ZFP41: variants seen among roughly 807,000 people sequenced by gnomAD.
ZFP41 encodes ZFP41 zinc finger protein, also known as zinc finger protein 41 homolog.
ZFP41 carries 10 observed loss-of-function variants against 11.6 expected under a neutral mutation model. The observed-to-expected ratio is 0.86, with a 90% CI of 0.53 to 1.47. The LOEUF is 1.47. Ranked by LOEUF, ZFP41 falls within the 40% of genes most tolerant of loss-of-function variation. The pLI is 0.00. For synonymous variants in ZFP41, 123 were observed against 100.9 expected, an observed-to-expected ratio of 1.22 and a Z score of -1.31; for missense variants, 302 against 264.6, an observed-to-expected ratio of 1.14 and a Z score of -0.98.
At chr8:143,247,611 A>G (rs1380283484) in intron 1 of ZFP41, 1 of 152,210 alleles carries the variant, frequency 6.6e-6, no homozygotes, top group Non-Finnish European at 1.5e-5. Context: ...ATTACAAGTG[A>G]AGGGTCCTCC....
intron 1 of ZFP41, chr8:143,248,155 G>A (rs932950149): frequency 6.6e-6 from 1 of 152,144 alleles, no homozygotes; most frequent in Non-Finnish European, 1.5e-5. Context: ...TATTTCTCAG[G>A]GTGGGCAGCG....
Position 143,261,936 on chromosome 8 carries a change from CG to C in ZFP41, c.*3064del, listed in dbSNP as rs1419097217. ...CGGCAGCACCTGCCACGCCCGTCTC[CG>C]GCAGCACCTGCCACGCCCGTCTCCG... On this transcript the variant is annotated 3_prime_UTR_variant, in exon 3 of 3. Transcript: ENST00000330701. The C allele has an allele frequency of 3.4e-3, 613 of 180,814 alleles. 39 individuals are homozygous for C. Among genetic ancestry groups the C allele is most frequent in the East Asian group, 0.013 (62 of 4,732 alleles). 11.2% of individuals were successfully genotyped at this position (180,814 alleles called of 1,614,324 possible).
chr8:143,250,090 AG>A lies in ZFP41; in HGVS notation c.249del (p.Lys84ArgfsTer76). On this transcript the variant is annotated frameshift_variant, in exon 2 of 3. Transcript: ENST00000330701. LOFTEE classifies it high-confidence loss of function. ...EGVPVFIPFQ[R>X]KKPYECSECG... ...GGTTCCCGTGTTCATTCCTTTTCAG[AG>A]GAAGAAACCCTATGAGTGCAGTGAG... 3 of 1,614,124 alleles carry A rather than the reference AG, an allele frequency of 1.9e-6. No homozygotes were observed. The highest frequency in any genetic ancestry group is 2.5e-6 in the Non-Finnish European group (3 of 1,180,024).
intron 2 of ZFP41, among the ~76,000 whole-genome samples, chr8:143,256,600 A>G (rs187581002): frequency 5.9e-4 from 90 of 152,344 alleles, no homozygotes; most frequent in African/African-American, 2.1e-3. Context: ...TTTTGGGGCC[A>G]GATGTGGTGA....
intron 2 of ZFP41, among the ~76,000 whole-genome samples, chr8:143,258,429 G>A (rs1262621732): frequency 6.6e-6 from 1 of 152,208 alleles, no homozygotes; most frequent in African/African-American, 2.4e-5. Context: ...CACACCAAGA[G>A]AAGGAGCCAT....
intron 2 of ZFP41, among the ~76,000 whole-genome samples, chr8:143,258,979 C>T (rs993942173): frequency 6.6e-6 from 1 of 152,228 alleles, no homozygotes. Context: ...CGAAGATGTG[C>T]GTTCCTGCTG....
intron 2 of ZFP41, among the ~76,000 whole-genome samples, chr8:143,255,621 A>G (rs1389105924): frequency 3.5e-5 from 4 of 113,342 alleles, no homozygotes; most frequent in Admixed American, 9.6e-5. Context: ...GTGAGATCAG[A>G]GCTCACCCCG....
At position 143,249,964 on chromosome 8, in the gene ZFP41, A is replaced by T; in HGVS notation, c.121A>T (p.Thr41Ser). 1 of 1,614,072 alleles carries T rather than the reference A, an allele frequency of 6.2e-7. No individual in the cohort carries two copies. The highest frequency in any genetic ancestry group is 8.5e-7 in the Non-Finnish European group (1 of 1,179,978). Residue 41 changes from threonine (T) to serine (S), a missense_variant, in exon 2 of 3, where the codon ACT (threonine) becomes TCT (serine). Thr to Ser is a moderately conservative substitution (Grantham distance 58). Transcript: ENST00000330701. ...GGACAGAAAGCCACCTGAGAGGCCC[A>T]CTGTGCCCAGGAAGCCCCGCACAGA... Reference protein sequence around the residue: ...SGDRKPPERPTVPRKPRTEPC... With the variant: ...SGDRKPPERPSVPRKPRTEPC...
At chr8:143,255,178 G>A (rs557994396) in intron 2 of ZFP41, among the ~76,000 whole-genome samples, 6 of 152,154 alleles carry the variant, frequency 3.9e-5, no homozygotes, top group Non-Finnish European at 5.9e-5. Flanking sequence ...TTTCTAGGAC[G>A]CACGTAGTGG....
chr8:143,250,132 A>G lies in ZFP41; in HGVS notation c.289A>G (p.Lys97Glu), dbSNP rs1816772265. The change falls in exon 2 of 3, where the codon AAG becomes GAG. Residue 97 changes from lysine to glutamate, a missense_variant. Coordinates refer to ENST00000330701, the MANE Select transcript of ZFP41 (RefSeq NM_173832.6). ...YECSECGRIF[K>E]HKTDHIRHQR... ...GTGCAGTGAGTGTGGGCGGATCTTTAAGCACAAGACAGACCACATTCGCCA... is the reference window on the plus strand; with the variant it reads ...GTGCAGTGAGTGTGGGCGGATCTTTGAGCACAAGACAGACCACATTCGCCA... 2 of 1,614,160 alleles carry G rather than the reference A, an allele frequency of 1.2e-6. No homozygotes were observed.
Position 143,260,443 on chromosome 8 carries a change from C to T in ZFP41, c.*1569C>T. 1 of 157,444 alleles carries T rather than the reference C, an allele frequency of 6.4e-6. No homozygotes were observed. Among genetic ancestry groups the T allele is most frequent in the Middle Eastern group, 3.2e-3 (1 of 316 alleles). The allele number at this position is 157,444 out of a possible 1,614,324, so 9.8% of individuals were successfully genotyped here. ...GAGTCCCAGGAATCAGCCTGATGTT[C>T]AGAATGCCTTCCTGGCATCTCAGAA... is the stretch of plus-strand genomic sequence containing the variant. On this transcript the variant is annotated 3_prime_UTR_variant, in exon 3 of 3. Transcript: ENST00000330701.
intron 2 of ZFP41, among the ~76,000 whole-genome samples, chr8:143,255,395 C>T (rs867727125): frequency 1.3e-5 from 2 of 152,126 alleles, no homozygotes; most frequent in African/African-American, 2.4e-5. Flanking sequence ...CAGCTCGCCC[C>T]GTGTCTGGTG....
intron 2 of ZFP41, among the ~76,000 whole-genome samples, chr8:143,254,790 G>A (rs377194672): frequency 6.6e-5 from 10 of 151,770 alleles, no homozygotes; most frequent in African/African-American, 2.2e-4. Flanking sequence ...GCACCACCAC[G>A]CCCAGCTAAT....
rs994615265 is a variant in ZFP41, at chr8:143,260,741, C to T, written c.*1867C>T. The T allele has an allele frequency of 1.4e-4, 26 of 187,916 alleles. No homozygotes were observed. The highest frequency in any genetic ancestry group is 4.9e-3 in the Middle Eastern group (2 of 406). The allele number at this position is 187,916 out of a possible 1,614,324, so 11.6% of individuals were successfully genotyped here. On this transcript the variant is annotated 3_prime_UTR_variant, in exon 3 of 3. Coordinates refer to ENST00000330701, the MANE Select transcript of ZFP41 (RefSeq NM_173832.6). ...CATCCTTCCAGCCTTGCTCAGTCAC[C>T]CTGACCCAGAGGGCTGCCCTGACCA... is the stretch of plus-strand genomic sequence containing the variant.
At chr8:143,252,639 TG>T in intron 2 of ZFP41, 2 of 984,844 alleles carry the variant, frequency 2.0e-6, no homozygotes, top group Non-Finnish European at 1.2e-6. Context: ...GTGGTCCCAA[TG>T]GGGGTAGGTA....
At chr8:143,253,429 AG>A (rs1410316324) in intron 2 of ZFP41, 3 of 152,302 alleles carry the variant, frequency 2.0e-5, no homozygotes, top group African/African-American at 7.2e-5. Context: ...CCTGTGCCTC[AG>A]CACCCACGGG....
In ZFP41 at chr8:143,262,038, T is replaced by A. The variant is rs572167738; in HGVS notation, c.*3164T>A. The A allele has an allele frequency of 2.7e-4, 32 of 119,516 alleles. No individual in the cohort carries two copies. In the Middle Eastern group the frequency reaches 0.014, roughly 52 times the overall value. 7.4% of individuals were successfully genotyped at this position (119,516 alleles called of 1,614,324 possible). A position where few individuals can be genotyped will look rare whatever the true frequency, so the allele number is the denominator to read the frequency against. ...CAGCCCCTGCCTGCACCCGCACCCC[T>A]CACGGCTGTCTCCGGCAGCCCCTGC... On this transcript the variant is annotated 3_prime_UTR_variant, in exon 3 of 3. Transcript: ENST00000330701.
chr8:143,259,720 C>G (rs1814993567), intron 2 of ZFP41, 55 bp from the exon 3 acceptor site: 1 of 152,044 alleles, frequency 6.6e-6, no homozygotes. Context: ...AACAGAGGAA[C>G]CGGGTAATCA....
In ZFP41 at chr8:143,260,254, C is replaced by T. The variant is rs1209328402; in HGVS notation, c.*1380C>T. ...CCTCTGAAATGCCTAGAAATAGCTG[C>T]CGGGCTTTCACTTGGTTCCCAAATT... is the stretch of plus-strand genomic sequence containing the variant. On this transcript the variant is annotated 3_prime_UTR_variant, in exon 3 of 3. Coordinates refer to ENST00000330701, the MANE Select transcript of ZFP41 (RefSeq NM_173832.6). 1.3e-5 allele frequency: 2 copies of T among 153,428 alleles called. No individual in the cohort carries two copies. The highest frequency in any genetic ancestry group is 2.9e-5 in the Non-Finnish European group (2 of 68,762). 9.5% of individuals were successfully genotyped at this position (153,428 alleles called of 1,614,324 possible). A position where few individuals can be genotyped will look rare whatever the true frequency, so the allele number is the denominator to read the frequency against.
Sources: gnomAD v4.1 joint callset for allele counts (sites outside exome capture counted in the v4.1 genomes callset) on GRCh38, gnomAD v4.1.1 for gene constraint, MANE v1.5 for transcripts, NCBI Gene and HGNC (gene_info 2026-07-23, HGNC 2026-07-21) for gene names.